The following IL1RAPL1 variants were observed in gnomAD, a reference collection of about 807,000 sequenced individuals.
IL1RAPL1 encodes interleukin-1 receptor accessory protein-like 1.
Under a neutral mutation model 48.4 loss-of-function variants are expected in IL1RAPL1, and 3 were observed. The ratio of observed to expected loss-of-function variants is 0.06; its 90% CI spans 0.03 to 0.16. The LOEUF (loss-of-function observed/expected upper bound fraction) is 0.16, where lower values mean the gene tolerates loss of function less well. Ranked by LOEUF, IL1RAPL1 falls within the 10% of genes least tolerant of loss-of-function variation. The pLI is 1.00. For synonymous variants in IL1RAPL1, 185 were observed against 187.7 expected (o/e 0.99, Z 0.12); for missense variants, 349 against 530.6 (o/e 0.66, Z 3.36).
At chrX:29,019,703 C>T (rs1167410324) in intron 2 of IL1RAPL1, among the ~76,000 whole-genome samples, 1 of 112,155 alleles carries the variant, frequency 8.9e-6, no homozygotes, top group Non-Finnish European at 1.9e-5. Flanking sequence ...AGATACAAAT[C>T]TGGTAAATCT....
chrX:29,073,453 C>T (rs1927607788), intron 2 of IL1RAPL1, among the ~76,000 whole-genome samples: 1 of 111,804 alleles, frequency 8.9e-6, no homozygotes, highest in South Asian at 3.7e-4. Context: ...TTCATTAAGA[C>T]ATTTAGAATT....
intron 1 of IL1RAPL1, among the ~76,000 whole-genome samples, chrX:28,665,629 T>C (rs1934867599): frequency 9.1e-6 from 1 of 110,130 alleles, no homozygotes; most frequent in Non-Finnish European, 1.9e-5. Flanking sequence ...GAACTGGGAT[T>C]ACAGGCATGC....
intron 6 of IL1RAPL1, among the ~76,000 whole-genome samples, chrX:29,684,399 G>A (rs941348918): frequency 2.7e-5 from 3 of 111,412 alleles, no homozygotes; most frequent in Admixed American, 1.9e-4. Context: ...CATCACCTCC[G>A]AAAGGCTTCT....
At chrX:28,693,511 A>G (rs1416801701) in intron 1 of IL1RAPL1, among the ~76,000 whole-genome samples, 1 of 112,188 alleles carries the variant, frequency 8.9e-6, no homozygotes, top group Non-Finnish European at 1.9e-5. Context: ...AATTGTTGTG[A>G]TTGTCTGATT....
intron 2 of IL1RAPL1, among the ~76,000 whole-genome samples, chrX:29,020,208 T>C (rs1187643118): frequency 8.9e-6 from 1 of 112,458 alleles, no homozygotes; most frequent in Non-Finnish European, 1.9e-5. Context: ...AATAATAAAC[T>C]ATTTTAAAAT....
At chrX:29,355,047 A>C (rs1174645941) in intron 3 of IL1RAPL1, among the ~76,000 whole-genome samples, 4 of 111,909 alleles carry the variant, frequency 3.6e-5, no homozygotes, top group Non-Finnish European at 7.5e-5. Flanking sequence ...AAACAAGAGT[A>C]AGGTTTTTTA....
intron 2 of IL1RAPL1, among the ~76,000 whole-genome samples, chrX:29,029,870 T>A (rs1240700839): frequency 9.0e-6 from 1 of 111,222 alleles, no homozygotes; most frequent in Non-Finnish European, 1.9e-5. Context: ...TTTAATTTTG[T>A]GTCTTACATA....
At chrX:29,889,465 C>T (rs1243184318) in intron 6 of IL1RAPL1, among the ~76,000 whole-genome samples, 1 of 111,155 alleles carries the variant, frequency 9.0e-6, no homozygotes, top group East Asian at 2.8e-4. Context: ...TTTGGTAATA[C>T]CCTCTTTGTA....
intron 6 of IL1RAPL1, among the ~76,000 whole-genome samples, chrX:29,821,839 C>T (rs1930627323): frequency 8.9e-6 from 1 of 112,331 alleles, no homozygotes; most frequent in Admixed American, 9.4e-5. Flanking sequence ...CTTCAGCTTT[C>T]TATTGAATTT....
chrX:29,901,969 G>A (rs1322619480), intron 6 of IL1RAPL1, among the ~76,000 whole-genome samples: 1 of 111,971 alleles, frequency 8.9e-6, no homozygotes, highest in East Asian at 2.8e-4. Context: ...CTTTCGAAAT[G>A]AGTACAATTA....
intron 2 of IL1RAPL1, among the ~76,000 whole-genome samples, chrX:29,234,486 TATAG>T (rs757888364): frequency 2.7e-5 from 3 of 111,830 alleles, no homozygotes; most frequent in Non-Finnish European, 5.6e-5. Context: ...GAGATAGGGT[TATAG>T]ATAGAGTTTT....
chrX:29,556,881 T>C lies in IL1RAPL1; in HGVS notation c.704-111549T>C, dbSNP rs188042513. On this transcript the variant is annotated intron_variant, in intron 5 of 10. Coordinates refer to ENST00000378993, the MANE Select transcript of IL1RAPL1 (RefSeq NM_014271.4). ...TATGTATCAGAATTGCTTGTGAAGC[T>C]TTCAATTAATACATATGGATACCTA... 4.5e-3 allele frequency among the ~76,000 whole-genome samples: 498 copies of C among 111,829 alleles called. 3 individuals are homozygous for C. Among genetic ancestry groups the C allele is most frequent in the African/African-American group, 0.015 (463 of 30,777 alleles).
chrX:29,689,238 G>A (rs1926713138), intron 6 of IL1RAPL1, among the ~76,000 whole-genome samples: 1 of 111,375 alleles, frequency 9.0e-6, no homozygotes, highest in African/African-American at 3.3e-5. Context: ...TAACCATAAT[G>A]ATTACAGGCA....
intron 2 of IL1RAPL1, among the ~76,000 whole-genome samples, chrX:29,250,152 C>T (rs1931580167): frequency 1.8e-5 from 2 of 111,384 alleles, no homozygotes; most frequent in South Asian, 7.4e-4. Context: ...TTCAATGTAC[C>T]CCAACTGATA....
At chrX:28,635,991 T>C (rs190309148) in intron 1 of IL1RAPL1, among the ~76,000 whole-genome samples, 4 of 112,152 alleles carry the variant, frequency 3.6e-5, no homozygotes, top group Non-Finnish European at 5.6e-5. Flanking sequence ...GCAGATTCAT[T>C]TTAAAAAGCA....
chrX:29,516,635 T>G (rs1935448849), intron 5 of IL1RAPL1, among the ~76,000 whole-genome samples: 1 of 111,736 alleles, frequency 8.9e-6, no homozygotes, highest in African/African-American at 3.3e-5. Context: ...TATATAATAT[T>G]TTATTGTATG....
At chrX:28,734,694 T>C (rs747346385) in intron 1 of IL1RAPL1, among the ~76,000 whole-genome samples, 1 of 111,589 alleles carries the variant, frequency 9.0e-6, no homozygotes, top group South Asian at 3.8e-4. Flanking sequence ...CATTTACTTA[T>C]TTGTTATGCC....
chrX:29,456,939 C>T (rs1934745839), intron 5 of IL1RAPL1, among the ~76,000 whole-genome samples: 1 of 110,439 alleles, frequency 9.1e-6, no homozygotes, highest in Non-Finnish European at 1.9e-5. Context: ...TCACGACCAG[C>T]CTGGGCAACA....
At chrX:28,780,271 AT>A (rs1214171601) in intron 1 of IL1RAPL1, among the ~76,000 whole-genome samples, 1 of 109,824 alleles carries the variant, frequency 9.1e-6, no homozygotes, top group African/African-American at 3.3e-5. Context: ...AGGTGGATAC[AT>A]TTACAGGCAT....
Sources: allele counts gnomAD v4.1 joint callset (sites outside exome capture counted in the v4.1 genomes callset), GRCh38; gene constraint gnomAD v4.1.1; transcripts MANE v1.5; gene names NCBI Gene and HGNC (gene_info 2026-07-23, HGNC 2026-07-21).